The following LINGO2 variants were observed in gnomAD, a reference collection of about 807,000 sequenced individuals.
LINGO2 encodes the protein leucine-rich repeat and immunoglobulin-like domain-containing nogo receptor-interacting protein 2.
A neutral mutation model predicts 30.6 loss-of-function variants in LINGO2; 14 were observed. That is an observed-to-expected ratio of 0.46 (90% CI 0.30 to 0.72). The LOEUF is 0.72. Ranked by LOEUF, LINGO2 falls within the 30% of genes least tolerant of loss-of-function variation. The pLI is 0.07. For missense variants in LINGO2, 729 were observed against 751.7 expected (o/e 0.97, Z 0.35); for synonymous variants, 317 against 288.5 (o/e 1.10, Z -1.00).
the LINGO2 span, among the ~76,000 whole-genome samples, chr9:28,992,812 C>T: frequency 6.6e-6 from 1 of 152,032 alleles, no homozygotes. Context: ...TTCTTTGAAA[C>T]CAACGAGAAC....
At chr9:29,048,524 A>C in the LINGO2 span, among the ~76,000 whole-genome samples, 4 of 152,232 alleles carry the variant, frequency 2.6e-5, no homozygotes, top group Non-Finnish European at 5.9e-5. Context: ...GCTATCCTGA[A>C]CAAAAAGAAC....
At chr9:28,602,653 A>AT (rs1339749196) in intron 1 of LINGO2, among the ~76,000 whole-genome samples, 1 of 152,014 alleles carries the variant, frequency 6.6e-6, no homozygotes, top group Non-Finnish European at 1.5e-5. Context: ...TAGTTTATGT[A>AT]TTTTTTTATT....
intron 1 of LINGO2, among the ~76,000 whole-genome samples, chr9:28,569,857 T>A (rs1263815087): frequency 1.3e-5 from 2 of 152,014 alleles, no homozygotes; most frequent in African/African-American, 4.8e-5. Context: ...GTGGTAATCA[T>A]TTCACAATAT....
intron 3 of LINGO2, among the ~76,000 whole-genome samples, chr9:28,325,984 C>A (rs1825214326): frequency 6.6e-6 from 1 of 152,144 alleles, no homozygotes; most frequent in South Asian, 2.1e-4. Flanking sequence ...TGCAATTCTT[C>A]TTTGACAATT....
At chr9:29,137,039 C>G in the LINGO2 span, among the ~76,000 whole-genome samples, 8 of 152,070 alleles carry the variant, frequency 5.3e-5, no homozygotes, top group African/African-American at 1.9e-4. Flanking sequence ...CATACTAAGC[C>G]CAGCCCCCCA....
chr9:28,263,201 A>C (rs1052172190), intron 4 of LINGO2, among the ~76,000 whole-genome samples: 1 of 151,984 alleles, frequency 6.6e-6, no homozygotes, highest in Non-Finnish European at 1.5e-5. Flanking sequence ...AAAGGCCAAC[A>C]GGAAGGAGTC....
the LINGO2 span, among the ~76,000 whole-genome samples, chr9:28,833,628 T>G: frequency 6.6e-6 from 1 of 152,188 alleles, no homozygotes; most frequent in Non-Finnish European, 1.5e-5. Flanking sequence ...AGTGTGTAGC[T>G]TCATAAAATA....
the LINGO2 span, among the ~76,000 whole-genome samples, chr9:28,908,259 T>C: frequency 6.6e-6 from 1 of 151,760 alleles, no homozygotes; most frequent in African/African-American, 2.4e-5. Context: ...TATAACTAAG[T>C]GTGCTAGGGA....
At chr9:29,213,589 T>TGCGCACACACACAGGC in the LINGO2 span, among the ~76,000 whole-genome samples, 1 of 152,066 alleles carries the variant, frequency 6.6e-6, no homozygotes, top group Non-Finnish European at 1.5e-5. Context: ...GAGCTCGGGC[T>TGCGCACACACACAGGC]GCGCACACAC....
chr9:28,591,173 C>T lies in LINGO2; in HGVS notation c.-365+79027G>A, dbSNP rs1001727402. The stretch of plus-strand genomic sequence containing the variant: ...GGGCCTGTTGTGGGGTTGGGGGAGG[C>T]GGGAGGGATAGCATTAGGAGATATA... On this transcript the variant is annotated intron_variant, in intron 1 of 5. Transcript: ENST00000379992. Among the ~76,000 whole-genome samples the T allele has an allele frequency of 8.8e-5, 12 of 136,596 alleles. 1 individual carries two copies. The highest frequency in any genetic ancestry group is 2.5e-4 in the East Asian group (1 of 4,006). 89.6% of individuals were successfully genotyped at this position (136,596 alleles called of 152,430 possible).
intron 5 of LINGO2, among the ~76,000 whole-genome samples, chr9:28,006,245 A>G (rs1302816779): frequency 6.6e-6 from 1 of 152,174 alleles, no homozygotes; most frequent in Non-Finnish European, 1.5e-5. Flanking sequence ...ATTGAAACAC[A>G]ATCACAAAGT....
chr9:28,905,035 C>A, the LINGO2 span, among the ~76,000 whole-genome samples: 1 of 151,836 alleles, frequency 6.6e-6, no homozygotes, highest in Non-Finnish European at 1.5e-5. Context: ...AAAGAACAGT[C>A]TCTTCACTAA....
intron 2 of LINGO2, among the ~76,000 whole-genome samples, chr9:28,420,938 C>G (rs891157592): frequency 1.3e-5 from 2 of 151,954 alleles, no homozygotes; most frequent in Non-Finnish European, 2.9e-5. Context: ...TGAAAAAATA[C>G]TAAAAATACT....
At chr9:28,385,895 T>C (rs1038374473) in intron 2 of LINGO2, among the ~76,000 whole-genome samples, 2 of 152,148 alleles carry the variant, frequency 1.3e-5, no homozygotes, top group Admixed American at 1.3e-4. Flanking sequence ...AATTTATTTT[T>C]AATGAAATAA....
Position 28,148,581 on chromosome 9 carries a change from C to T in LINGO2, c.-86-136176G>A, listed in dbSNP as rs969069347. ...CTGGAGACTCAGGGAAACTTCACTT[C>T]CTCCTGGTACAATCCCAGGCCCTTG... On this transcript the variant is annotated intron_variant, in intron 4 of 5. Coordinates refer to ENST00000379992, the Ensembl canonical transcript of LINGO2. This position sits in a 1 kb window ranked among gnomAD's most constrained non-coding sequence, Gnocchi z 5.1. 3 of 1,506,338 alleles carry T rather than the reference C, an allele frequency of 2.0e-6. No individual in the cohort carries two copies. The African/African-American group carries it at 4.1e-5, about 21-fold the overall frequency. 93.3% of individuals were successfully genotyped at this position (1,506,338 alleles called of 1,614,324 possible).
chr9:28,660,258 T>A (rs984880979), intron 1 of LINGO2, among the ~76,000 whole-genome samples: 1 of 152,022 alleles, frequency 6.6e-6, no homozygotes, highest in African/African-American at 2.4e-5. Context: ...GGTTATTAAT[T>A]TTACCATATT....
intron 3 of LINGO2, among the ~76,000 whole-genome samples, chr9:28,300,898 T>A (rs895947531): frequency 4.0e-5 from 6 of 150,772 alleles, no homozygotes; most frequent in Non-Finnish European, 5.9e-5. Flanking sequence ...ACATGTCAGC[T>A]TTGAGTAGAA....
At chr9:28,330,746 C>T (rs1293887158) in intron 3 of LINGO2, among the ~76,000 whole-genome samples, 1 of 152,150 alleles carries the variant, frequency 6.6e-6, no homozygotes, top group East Asian at 1.9e-4. Flanking sequence ...TTTTAACATC[C>T]TGTTTCTTTT....
chr9:28,801,314 G>T, the LINGO2 span, among the ~76,000 whole-genome samples: 1 of 152,028 alleles, frequency 6.6e-6, no homozygotes, highest in African/African-American at 2.4e-5. Flanking sequence ...ATGATCTCAG[G>T]AGAGTGTATA....
Sources: allele counts gnomAD v4.1 joint callset (sites outside exome capture counted in the v4.1 genomes callset), GRCh38; gene constraint gnomAD v4.1.1; non-coding constraint Gnocchi (gnomAD v3.1); transcripts MANE v1.5; gene names NCBI Gene and HGNC (gene_info 2026-07-23, HGNC 2026-07-21).